The following ST6GALNAC3 variants were observed in gnomAD, a reference collection of about 807,000 sequenced individuals.
The protein encoded by ST6GALNAC3 is ST6 N-acetylgalactosaminide alpha-2,6-sialyltransferase 3.
A neutral mutation model predicts 32.7 loss-of-function variants in ST6GALNAC3; 25 were observed. That is an observed-to-expected ratio of 0.76 (90% CI 0.56 to 1.07). ST6GALNAC3 has a LOEUF of 1.07. Ranked by LOEUF, ST6GALNAC3 falls within the 50% of genes least tolerant of loss-of-function variation. The pLI is 0.00. For synonymous variants in ST6GALNAC3, 129 were observed against 133.1 expected (o/e 0.97, Z 0.21); for missense variants, 355 against 382.4 (o/e 0.93, Z 0.60).
chr1:76,243,861 T>C (rs1657105683), intron 1 of ST6GALNAC3, among the ~76,000 whole-genome samples: 1 of 152,220 alleles, frequency 6.6e-6, no homozygotes, highest in Admixed American at 6.5e-5. Flanking sequence ...CCTTATAGTA[T>C]AGTTTGAAGT....
chr1:76,118,915 C>T (rs1404552965), intron 1 of ST6GALNAC3, among the ~76,000 whole-genome samples: 3 of 152,138 alleles, frequency 2.0e-5, no homozygotes, highest in Admixed American at 6.5e-5. Flanking sequence ...CTCTGTCTCC[C>T]GGGTTCAAGC....
chr1:76,603,176 A>T (rs999513126), intron 3 of ST6GALNAC3, among the ~76,000 whole-genome samples: 2 of 152,194 alleles, frequency 1.3e-5, no homozygotes, highest in African/African-American at 4.8e-5. Context: ...ATTTGGAATT[A>T]CCTTGTAGTT....
rs924997331 is a variant in ST6GALNAC3, at chr1:76,629,292, T to C, written c.*486T>C. 12 of 987,698 alleles carry C rather than the reference T, an allele frequency of 1.2e-5. No homozygotes were observed. Among genetic ancestry groups the C allele is most frequent in the Non-Finnish European group, 1.4e-5 (12 of 831,768 alleles). 61.2% of individuals were successfully genotyped at this position (987,698 alleles called of 1,614,324 possible). A position where few individuals can be genotyped will look rare whatever the true frequency, so the allele number is the denominator to read the frequency against. Reference sequence around the variant, plus strand: ...AAGAACTGCTATCAGGGTGCAAGTATCTTACTACTTAGCCTAAGGATGGGA... The same window carrying C: ...AAGAACTGCTATCAGGGTGCAAGTACCTTACTACTTAGCCTAAGGATGGGA... On this transcript the variant is annotated 3_prime_UTR_variant, in exon 5 of 5. Transcript: ENST00000328299.
At chr1:76,400,925 A>C (rs1263502439) in intron 2 of ST6GALNAC3, among the ~76,000 whole-genome samples, 1 of 151,918 alleles carries the variant, frequency 6.6e-6, no homozygotes, top group African/African-American at 2.4e-5. Flanking sequence ...AATGGAAGAT[A>C]CTTAAAACAC....
intron 3 of ST6GALNAC3, among the ~76,000 whole-genome samples, chr1:76,562,736 A>G (rs550712453): frequency 2.0e-5 from 3 of 152,312 alleles, no homozygotes; most frequent in South Asian, 4.1e-4. Context: ...ATAATGTTTG[A>G]AAACGTTTGT....
intron 1 of ST6GALNAC3, among the ~76,000 whole-genome samples, chr1:76,179,801 T>A (rs1007695841): frequency 5.3e-5 from 8 of 152,234 alleles, no homozygotes; most frequent in Admixed American, 5.2e-4. Context: ...TGGCCAAGCA[T>A]GCTGCTGCCT....
chr1:76,566,805 G>T (rs1361297650), intron 3 of ST6GALNAC3, among the ~76,000 whole-genome samples: 1 of 152,152 alleles, frequency 6.6e-6, no homozygotes, highest in African/African-American at 2.4e-5. Context: ...CATGAGAGGA[G>T]GTTTGCTTTA....
intron 3 of ST6GALNAC3, among the ~76,000 whole-genome samples, chr1:76,470,389 G>T (rs923670804): frequency 1.4e-4 from 21 of 152,128 alleles, no homozygotes; most frequent in African/African-American, 5.1e-4. Context: ...ATGGTAGACT[G>T]GCTAGCTGAA....
At chr1:76,207,463 A>G (rs1252629865) in intron 1 of ST6GALNAC3, among the ~76,000 whole-genome samples, 1 of 152,246 alleles carries the variant, frequency 6.6e-6, no homozygotes, top group Non-Finnish European at 1.5e-5. Flanking sequence ...TAGTTTATCA[A>G]GACAAGAAGT....
At chr1:76,294,552 C>G (rs1213283281) in intron 1 of ST6GALNAC3, among the ~76,000 whole-genome samples, 1 of 151,924 alleles carries the variant, frequency 6.6e-6, no homozygotes, top group Admixed American at 6.6e-5. Flanking sequence ...TTTAACCTGC[C>G]CGGAATAAAA....
At chr1:76,404,915 G>C (rs932365857) in intron 2 of ST6GALNAC3, among the ~76,000 whole-genome samples, 2 of 152,096 alleles carry the variant, frequency 1.3e-5, no homozygotes, top group African/African-American at 2.4e-5. Flanking sequence ...AATAATTTAT[G>C]CTGGTTCAAT....
At chr1:76,387,857 A>C (rs113528687) in intron 2 of ST6GALNAC3, among the ~76,000 whole-genome samples, 2 of 152,196 alleles carry the variant, frequency 1.3e-5, no homozygotes, top group African/African-American at 4.8e-5. Context: ...TTCCCCTGAT[A>C]GGCTATTCAG....
intron 3 of ST6GALNAC3, among the ~76,000 whole-genome samples, chr1:76,436,604 G>A (rs1381147146): frequency 6.6e-6 from 1 of 151,914 alleles, no homozygotes; most frequent in Non-Finnish European, 1.5e-5. Context: ...TAAATGTTGG[G>A]GCTTTTTAAA....
intron 2 of ST6GALNAC3, among the ~76,000 whole-genome samples, chr1:76,373,398 C>A: frequency 6.6e-6 from 1 of 152,256 alleles, no homozygotes; most frequent in Non-Finnish European, 1.5e-5. Context: ...AGCCTGGGAC[C>A]TGGTAAATAG....
At chr1:76,525,430 G>A (rs574824432) in intron 3 of ST6GALNAC3, among the ~76,000 whole-genome samples, 5 of 152,084 alleles carry the variant, frequency 3.3e-5, no homozygotes, top group African/African-American at 9.6e-5. Context: ...TACAATTGCC[G>A]TCATTCTTGG....
chr1:76,467,870 A>C (rs1319259701), intron 3 of ST6GALNAC3, among the ~76,000 whole-genome samples: 1 of 152,048 alleles, frequency 6.6e-6, no homozygotes, highest in Non-Finnish European at 1.5e-5. Flanking sequence ...AAAATGAAAT[A>C]CAATTTTCAC....
chr1:76,290,129 A>G (rs1301854944), intron 1 of ST6GALNAC3, among the ~76,000 whole-genome samples: 1 of 152,266 alleles, frequency 6.6e-6, no homozygotes, highest in Non-Finnish European at 1.5e-5. Flanking sequence ...TATTACTGAT[A>G]AAAGTAAAAA....
chr1:76,132,570 T>G (rs1455741734), intron 1 of ST6GALNAC3, among the ~76,000 whole-genome samples: 2 of 152,174 alleles, frequency 1.3e-5, no homozygotes, highest in African/African-American at 4.8e-5. Flanking sequence ...ACAACCACAT[T>G]GCACTGCACA....
chr1:76,636,628 T>C (rs1305102763), downstream of ST6GALNAC3, among the ~76,000 whole-genome samples: 2 of 152,192 alleles, frequency 1.3e-5, no homozygotes, highest in East Asian at 3.9e-4. Context: ...TCCCTCACTC[T>C]TCTTTACTTC....
Sources: allele counts gnomAD v4.1 joint callset (sites outside exome capture counted in the v4.1 genomes callset), GRCh38; gene constraint gnomAD v4.1.1; transcripts MANE v1.5; gene names NCBI Gene and HGNC (gene_info 2026-07-23, HGNC 2026-07-21).